Variants in YLPM1 observed in about 807,000 individuals in gnomAD.
YLPM1 encodes the protein YLP motif-containing protein 1.
YLPM1 carries 99 observed loss-of-function variants against 230.0 expected under a neutral mutation model. That is an observed-to-expected ratio of 0.43 (90% confidence interval 0.37 to 0.51). The LOEUF (loss-of-function observed/expected upper bound fraction) is 0.51. YLPM1 is among the 20% of genes least tolerant of loss of function. The probability of loss-of-function intolerance (pLI) is 0.00; values close to 1 mark genes in which losing one functional copy is unlikely to be tolerated. For synonymous variants in YLPM1, 984 were observed against 942.5 expected, an observed-to-expected ratio of 1.04 and a Z score of -0.81; for missense variants, 2,592 against 2,707.7, an observed-to-expected ratio of 0.96 and a Z score of 0.95.
At chr14:74,816,492 G>A in intron 12 of YLPM1, 79 bp from the exon 13 acceptor site, 1 of 1,494,774 alleles carries the variant, frequency 6.7e-7, no homozygotes, top group Non-Finnish European at 9.0e-7. Context: ...ATATTATTTA[G>A]CCACAAGAGG....
rs1483779268 is a variant in YLPM1 at position 74,816,248 on chromosome 14, G to A, written c.5548G>A (p.Val1850Ile). The stretch of plus-strand genomic sequence containing the variant: ...ATTACCTGGCAGTGGAAAGACACAT[G>A]TTGCAAAACTTATTCGAGTGAGTAT... The part of the protein sequence containing the change: ...RGLPGSGKTH[V>I]AKLIRDKEVE... The change falls in exon 12 of 21, where the codon GTT (valine) becomes ATT (isoleucine). Residue 1850 changes from valine to isoleucine, a missense_variant. By Grantham distance (29) the Val-to-Ile change is conservative. This residue lies in a region of YLPM1 where 315 missense variants were observed against 429.3 expected (regional missense o/e 0.73). Coordinates refer to ENST00000325680, the MANE Select transcript of YLPM1 (RefSeq NM_019589.3). The A allele has an allele frequency of 6.2e-7, 1 of 1,611,284 alleles. No homozygotes were observed. The highest frequency in any genetic ancestry group is 8.5e-7 in the Non-Finnish European group (1 of 1,179,034).
chr14:74,784,648 G>A (rs921323129), intron 4 of YLPM1, among the ~76,000 whole-genome samples: 1 of 152,174 alleles, frequency 6.6e-6, no homozygotes, highest in Non-Finnish European at 1.5e-5. Flanking sequence ...TAGAAAGTTT[G>A]TTTTTTACAT....
chr14:74,812,573 A>G, intron 10 of YLPM1, 55 bp from the exon 11 acceptor site: 1 of 1,539,920 alleles, frequency 6.5e-7, no homozygotes, highest in Admixed American at 2.0e-5. Context: ...GGAGAGTTGA[A>G]TTTCAAAATA....
intron 5 of YLPM1, 90 bp downstream of exon 5, chr14:74,799,787 A>G: frequency 7.0e-7 from 1 of 1,436,016 alleles, no homozygotes; most frequent in South Asian, 1.5e-5. Context: ...GAATGGAATC[A>G]TTTTACTTCA....
chr14:74,775,139 G>A (rs2140079533), intron 1 of YLPM1, among the ~76,000 whole-genome samples: 1 of 152,154 alleles, frequency 6.6e-6, no homozygotes, highest in Non-Finnish European at 1.5e-5. Context: ...ACGTCAAGAT[G>A]GAGTTTATGA....
At chr14:74,812,840 A>G in intron 11 of YLPM1, 58 bp downstream of exon 11, 7 of 1,527,136 alleles carry the variant, frequency 4.6e-6, no homozygotes, top group Non-Finnish European at 6.2e-6. Flanking sequence ...AGATCTTGTT[A>G]ATATCCTGAA....
intron 10 of YLPM1, among the ~76,000 whole-genome samples, chr14:74,811,994 C>T (rs1480993459): frequency 6.6e-6 from 1 of 152,216 alleles, no homozygotes; most frequent in African/African-American, 2.4e-5. Flanking sequence ...TAGCTTTCCT[C>T]TCATTCGCTC....
rs535339131 is a variant in YLPM1 at position 74,802,797 on chromosome 14, A to G, written c.4521+121A>G. 7 of 1,295,622 alleles carry G rather than the reference A, an allele frequency of 5.4e-6. No homozygotes were observed. In the South Asian group the frequency reaches 7.0e-5, roughly 13 times the overall value. The allele number at this position is 1,295,622 out of a possible 1,614,324, so 80.3% of individuals were successfully genotyped here. The stretch of plus-strand genomic sequence containing the variant: ...TTCCTCTATAAAATGTAAATTTTGG[A>G]AACTTAAAAGTTTATGGTAATTGAA... On this transcript the variant is annotated intron_variant, in intron 6 of 20. Coordinates refer to ENST00000325680, the MANE Select transcript of YLPM1 (RefSeq NM_019589.3).
rs376584536 is a variant in YLPM1, at chr14:74,778,609, C to G, written c.1036C>G (p.Pro346Ala). The G allele has an allele frequency of 1.3e-6, 2 of 1,597,524 alleles. No individual in the cohort carries two copies. The highest frequency in any genetic ancestry group is 1.7e-6 in the Non-Finnish European group (2 of 1,172,400). Residue 346 changes from proline (P) to alanine (A), a missense_variant, in exon 2 of 21, where the codon CCT becomes GCT. Around this residue, in one of 4 missense-constraint regions of YLPM1, gnomAD observed 1,862 missense variants for 1,819.8 expected, o/e 1.02. Transcript: ENST00000325680. Reference protein sequence around the residue: ...VPATSQVPESPSSEEPPLPPP... With the variant: ...VPATSQVPESASSEEPPLPPP... ...TGCCACCAGTCAAGTTCCAGAATCT[C>G]CTTCTTCTGAGGAGCCCCCATTGCC...
chr14:74,802,804 A>G (rs1389866689), intron 6 of YLPM1, 128 bp downstream of exon 6: 5 of 1,216,024 alleles, frequency 4.1e-6, no homozygotes, highest in African/African-American at 3.1e-5. Context: ...TGGAAACTTA[A>G]AAGTTTATGG....
At chr14:74,779,494 A>G (rs917235687) in intron 2 of YLPM1, among the ~76,000 whole-genome samples, 2 of 152,142 alleles carry the variant, frequency 1.3e-5, no homozygotes. Flanking sequence ...AGGTTCTCAT[A>G]TTGGTCCAAA....
chr14:74,794,608 T>TC, intron 4 of YLPM1, among the ~76,000 whole-genome samples: 1 of 151,984 alleles, frequency 6.6e-6, no homozygotes, highest in Admixed American at 6.6e-5. Context: ...TCTTTTTTTT[T>TC]TGTCTTTAAG....
At position 74,763,791 on chromosome 14, in the gene YLPM1, A is replaced by AGCCGCC; in HGVS notation, c.303_308dup (p.Pro105_Pro106dup). The AGCCGCC allele has an allele frequency of 6.7e-7, 1 of 1,502,128 alleles. No individual in the cohort carries two copies. Among genetic ancestry groups the AGCCGCC allele is most frequent in the Non-Finnish European group, 8.9e-7 (1 of 1,126,216 alleles). 93.0% of individuals were successfully genotyped at this position (1,502,128 alleles called of 1,614,324 possible). ...CCGGGGGGCGGCTACGGAGACTGGC[A>AGCCGCC]GCCGCCACCGCCACCGATGCCCCCG... On this transcript the variant is annotated inframe_insertion, in exon 1 of 21. Coordinates refer to ENST00000325680, the MANE Select transcript of YLPM1 (RefSeq NM_019589.3).
intron 2 of YLPM1, 130 bp downstream of exon 2, chr14:74,778,813 A>G (rs894150090): frequency 1.4e-6 from 1 of 694,334 alleles, no homozygotes; most frequent in Admixed American, 3.1e-5. Flanking sequence ...CATTTGTGAA[A>G]TCAGATGTCT....
chr14:74,827,893 G>A, intron 18 of YLPM1: 1 of 985,364 alleles, frequency 1.0e-6, no homozygotes, highest in Non-Finnish European at 1.2e-6. Context: ...TGTGATTCCA[G>A]AAATTAGAAG....
At chr14:74,802,496 A>G (rs2091337771) in intron 5 of YLPM1, 60 bp from the exon 6 acceptor site, 4 of 1,519,178 alleles carry the variant, frequency 2.6e-6, no homozygotes, top group Middle Eastern at 1.8e-4. Context: ...TATTAATTGT[A>G]GTCACTTAGG....
chr14:74,766,771 C>T (rs1394331292), intron 1 of YLPM1, among the ~76,000 whole-genome samples: 1 of 151,678 alleles, frequency 6.6e-6, no homozygotes, highest in Non-Finnish European at 1.5e-5. Context: ...ACCACCACAC[C>T]TGGCCTCTGC....
intron 9 of YLPM1, 105 bp downstream of exon 9, chr14:74,810,525 A>G (rs944868173): frequency 1.3e-5 from 16 of 1,212,180 alleles, no homozygotes; most frequent in South Asian, 9.4e-5. Context: ...ATGCATGTGT[A>G]TATGTAATTT....
At chr14:74,832,749 A>T (rs1489317752) in intron 19 of YLPM1, among the ~76,000 whole-genome samples, 1 of 152,232 alleles carries the variant, frequency 6.6e-6, no homozygotes, top group Non-Finnish European at 1.5e-5. Context: ...CTGGGATTAC[A>T]GGCGTGAGCC....
Sources: gnomAD v4.1 joint callset for allele counts (sites outside exome capture counted in the v4.1 genomes callset) on GRCh38, gnomAD v4.1.1 for gene constraint, gnomAD v4.1.1 regional missense constraint, MANE v1.5 for transcripts, NCBI Gene and HGNC (gene_info 2026-07-23, HGNC 2026-07-21) for gene names.